UGT1A10: variants seen among roughly 807,000 people sequenced by gnomAD.
UGT1A10 encodes the protein UDP-glucuronosyltransferase 1A10.
In UGT1A10, 49 loss-of-function variants were observed where a neutral mutation model predicts 45.8. That is an observed-to-expected ratio of 1.07 (90% CI 0.85 to 1.36). UGT1A10 has a LOEUF of 1.36. Ranked by LOEUF, UGT1A10 falls within the 40% of genes most tolerant of loss-of-function variation. The pLI is 0.00. For synonymous variants in UGT1A10, 284 were observed against 249.7 expected, an observed-to-expected ratio of 1.14 and a Z score of -1.29; for missense variants, 745 against 668.6, an observed-to-expected ratio of 1.11 and a Z score of -1.26.
At chr2:233,655,795 T>A (rs2125481961) in intron 1 of UGT1A10, among the ~76,000 whole-genome samples, 1 of 152,318 alleles carries the variant, frequency 6.6e-6, no homozygotes, top group East Asian at 1.9e-4. Flanking sequence ...GGGGTTGGCT[T>A]TGAGCCCCAG....
intron 1 of UGT1A10, among the ~76,000 whole-genome samples, chr2:233,695,134 T>C (rs112070935): frequency 8.5e-5 from 6 of 70,536 alleles, no homozygotes; most frequent in South Asian, 5.4e-4. Context: ...TCTTTTCTTT[T>C]TTTTTTTTTT....
intron 1 of UGT1A10, among the ~76,000 whole-genome samples, chr2:233,711,615 C>A (rs548104109): frequency 1.3e-5 from 2 of 152,312 alleles, no homozygotes; most frequent in Admixed American, 6.5e-5. Context: ...CTCTGGTGGA[C>A]AGCTCCATTC....
At chr2:233,764,795 T>C (rs148070412) in intron 1 of UGT1A10, among the ~76,000 whole-genome samples, 7 of 152,082 alleles carry the variant, frequency 4.6e-5, no homozygotes, top group Non-Finnish European at 7.4e-5. Flanking sequence ...CCTCAGGGTG[T>C]TCTTGCTACA....
rs8330 is a variant in UGT1A10 at position 233,772,999 on chromosome 2, G to C, written c.*440G>C. ...ATAATGGTCAGTCCTCATCTCTGTC[G>C]TGCTTCATAGGTGCCACCTTGTGTG... On this transcript the variant is annotated 3_prime_UTR_variant, in exon 5 of 5. Transcript: ENST00000344644. 179,059 of 238,554 alleles carry C rather than the reference G, an allele frequency of 0.75. 68,191 individuals carry two copies. Among genetic ancestry groups the C allele is most frequent in the East Asian group, 0.88 (8,737 of 9,894 alleles). The allele number at this position is 238,554 out of a possible 1,614,324, so 14.8% of individuals were successfully genotyped here.
intron 1 of UGT1A10, chr2:233,743,571 C>T: frequency 7.3e-7 from 1 of 1,367,316 alleles, no homozygotes; most frequent in African/African-American, 1.5e-5. Flanking sequence ...AGCGGGTTTC[C>T]CAAGAGGTCA....
chr2:233,667,622 A>G (rs532947052), intron 1 of UGT1A10, among the ~76,000 whole-genome samples: 1 of 152,336 alleles, frequency 6.6e-6, no homozygotes, highest in Admixed American at 6.5e-5. Context: ...AAAATTTTGG[A>G]ATCTACTCAT....
rs552821881 is a variant in UGT1A10, at chr2:233,706,635, T to C, written c.856-60399T>C. ...AGACTAGAGAAATGAGTGTTTCTAC[T>C]GTGTCTGTGCCCCATCACTGTAGGT... On this transcript the variant is annotated intron_variant, in intron 1 of 4. Transcript: ENST00000344644. Among the ~76,000 whole-genome samples, 3 of 152,330 alleles carry C rather than the reference T, an allele frequency of 2.0e-5. No homozygotes were observed. The South Asian group carries it at 6.2e-4, about 32-fold the overall frequency.
intron 1 of UGT1A10, chr2:233,753,430 GGTTAAT>G (rs1304983962): frequency 6.6e-6 from 1 of 152,150 alleles, no homozygotes; most frequent in African/African-American, 2.4e-5. Flanking sequence ...AGTATTTGTT[GGTTAAT>G]GATGTGTTCA....
rs191789950 is a variant in UGT1A10 at position 233,713,517 on chromosome 2, A to T, written c.856-53517A>T. 5 of 1,613,958 alleles carry T rather than the reference A, an allele frequency of 3.1e-6. No homozygotes were observed. In the East Asian group the frequency reaches 1.1e-4, roughly 36 times the overall value. On this transcript the variant is annotated intron_variant, in intron 1 of 4. Transcript: ENST00000344644. ...TCCTGCTGTGTTTTTCTTGAGGAAC[A>T]TTCCATGTGATTTAGACTTTAAGGG... is the stretch of plus-strand genomic sequence containing the variant.
chr2:233,743,581 A>C lies in UGT1A10; in HGVS notation c.856-23453A>C, dbSNP rs28900376. 32 of 1,367,320 alleles carry C rather than the reference A, an allele frequency of 2.3e-5. No individual in the cohort carries two copies. The East Asian group carries it at 4.1e-4, about 17-fold the overall frequency. 84.7% of individuals were successfully genotyped at this position (1,367,320 alleles called of 1,614,324 possible). Reference sequence around the variant, plus strand: ...TCTCCAGCGGGTTTCCCAAGAGGTCAAAGGAGAATGGGTCCTGGCCGCCGA... The same window carrying C: ...TCTCCAGCGGGTTTCCCAAGAGGTCCAAGGAGAATGGGTCCTGGCCGCCGA... On this transcript the variant is annotated intron_variant, in intron 1 of 4. Transcript: ENST00000344644.
intron 1 of UGT1A10, among the ~76,000 whole-genome samples, chr2:233,695,188 C>T (rs1163062852): frequency 5.5e-5 from 8 of 145,440 alleles, no homozygotes; most frequent in Non-Finnish European, 8.9e-5. Context: ...TGCAGTGGTG[C>T]GATCTCAGCC....
chr2:233,686,779 C>T (rs989054670), intron 1 of UGT1A10, among the ~76,000 whole-genome samples: 1 of 152,154 alleles, frequency 6.6e-6, no homozygotes. Flanking sequence ...AACACTCCAA[C>T]TCTCCTCTTT....
chr2:233,679,944 G>A (rs772654024), intron 1 of UGT1A10, among the ~76,000 whole-genome samples: 13 of 152,100 alleles, frequency 8.5e-5, no homozygotes, highest in South Asian at 2.1e-4. Flanking sequence ...AAAAAGATGC[G>A]AGGTTTGGCT....
chr2:233,763,382 T>G (rs1698295022), intron 1 of UGT1A10, among the ~76,000 whole-genome samples: 1 of 152,252 alleles, frequency 6.6e-6, no homozygotes, highest in South Asian at 2.1e-4. Context: ...GCTTTCTTCC[T>G]TTTTAAACAA....
At chr2:233,708,525 G>A (rs2076022371) in intron 1 of UGT1A10, 1 of 152,220 alleles carries the variant, frequency 6.6e-6, no homozygotes, top group African/African-American at 2.4e-5. Context: ...GCCGAAGCAG[G>A]AGGATAGCTT....
chr2:233,724,160 G>A (rs2077179945), intron 1 of UGT1A10, among the ~76,000 whole-genome samples: 4 of 120,854 alleles, frequency 3.3e-5, no homozygotes, highest in Admixed American at 7.7e-5. Context: ...GGGTGGGGGG[G>A]CTGACCCCCC....
intron 1 of UGT1A10, chr2:233,755,107 C>A (rs952341644): frequency 1.5e-6 from 2 of 1,333,188 alleles, no homozygotes; most frequent in Non-Finnish European, 2.0e-6. Context: ...TCCGACAACA[C>A]CTCGTAGGCC....
At chr2:233,687,100 C>T (rs750852602) in intron 1 of UGT1A10, among the ~76,000 whole-genome samples, 1 of 152,178 alleles carries the variant, frequency 6.6e-6, no homozygotes, top group East Asian at 1.9e-4. Flanking sequence ...GTGACACTTG[C>T]GTAAACTTGG....
chr2:233,718,574 C>T (rs1436667300), intron 1 of UGT1A10, among the ~76,000 whole-genome samples: 1 of 152,174 alleles, frequency 6.6e-6, no homozygotes, highest in Non-Finnish European at 1.5e-5. Context: ...CTTGGATGTT[C>T]CCCAGAGGCA....
Sources: allele counts gnomAD v4.1 joint callset (sites outside exome capture counted in the v4.1 genomes callset), GRCh38; gene constraint gnomAD v4.1.1; transcripts MANE v1.5; gene names NCBI Gene and HGNC (gene_info 2026-07-23, HGNC 2026-07-21).